Variants in NALF1 observed in about 807,000 individuals in gnomAD.
NALF1 encodes NALCN channel auxiliary factor 1, also known as family with sequence similarity 155 member A.
In NALF1, 3 loss-of-function variants were observed where a neutral mutation model predicts 48.4. The observed-to-expected ratio is 0.06, with a 90% CI of 0.03 to 0.16. The LOEUF (loss-of-function observed/expected upper bound fraction) is 0.16. Ranked by LOEUF, NALF1 falls within the 10% of genes least tolerant of loss-of-function variation. NALF1 has a pLI of 1.00. For synonymous variants in NALF1, 262 were observed against 245.7 expected (o/e 1.07, Z -0.62); for missense variants, 526 against 571.5 (o/e 0.92, Z 0.81).
intron 1 of NALF1, among the ~76,000 whole-genome samples, chr13:107,860,712 GAAAT>G (rs899519756): frequency 1.2e-4 from 19 of 152,170 alleles, no homozygotes; most frequent in Non-Finnish European, 1.5e-5. Flanking sequence ...AAGAAATTGA[GAAAT>G]AAAATTAAAG....
intron 1 of NALF1, among the ~76,000 whole-genome samples, chr13:107,591,865 A>G (rs887684939): frequency 6.6e-6 from 1 of 151,988 alleles, no homozygotes; most frequent in Non-Finnish European, 1.5e-5. Flanking sequence ...TCTTATTTCT[A>G]ATAATACTGA....
chr13:107,842,171 TATAAAC>T (rs1489593281), intron 1 of NALF1, among the ~76,000 whole-genome samples: 1 of 152,026 alleles, frequency 6.6e-6, no homozygotes, highest in Non-Finnish European at 1.5e-5. Flanking sequence ...ATATCATTGA[TATAAAC>T]ATGGCCCAAA....
intron 1 of NALF1, among the ~76,000 whole-genome samples, chr13:107,739,212 G>A (rs563885232): frequency 7.9e-5 from 12 of 151,962 alleles, no homozygotes; most frequent in Non-Finnish European, 1.0e-4. Context: ...TAAGGTATGC[G>A]GGGCTTAAAA....
At chr13:107,508,719 G>A (rs1487067307) in intron 1 of NALF1, among the ~76,000 whole-genome samples, 10 of 152,110 alleles carry the variant, frequency 6.6e-5, no homozygotes, top group African/African-American at 2.2e-4. Flanking sequence ...GGCTGTGCAC[G>A]ATTACAGGCT....
At position 107,747,648 on chromosome 13, in the gene NALF1, C is replaced by T. The variant is rs910184010; in HGVS notation, c.915+118034G>A. Among the ~76,000 whole-genome samples, 3 of 152,170 alleles carry T rather than the reference C, an allele frequency of 2.0e-5. No individual in the cohort carries two copies. The East Asian group carries it at 5.8e-4, about 29-fold the overall frequency. The stretch of plus-strand genomic sequence containing the variant: ...TAGTCTATGTGTATTACATCTTTCA[C>T]TTTTGTTAGATATAGATAACTAAAT... On this transcript the variant is annotated intron_variant, in intron 1 of 2. Coordinates refer to ENST00000375915, the MANE Select transcript of NALF1 (RefSeq NM_001080396.3).
chr13:107,449,850 T>A (rs1441631042), intron 1 of NALF1, among the ~76,000 whole-genome samples: 3 of 152,140 alleles, frequency 2.0e-5, no homozygotes, highest in Non-Finnish European at 4.4e-5. Context: ...AAATTTACAG[T>A]TAAGGAAACA....
intron 1 of NALF1, among the ~76,000 whole-genome samples, chr13:107,425,402 A>G (rs935303870): frequency 1.3e-5 from 2 of 152,216 alleles, no homozygotes; most frequent in African/African-American, 4.8e-5. Flanking sequence ...GAAGGAAAGA[A>G]AAGCCCAACT....
At chr13:107,171,943 A>G (rs551930810) in intron 2 of NALF1, among the ~76,000 whole-genome samples, 1 of 152,346 alleles carries the variant, frequency 6.6e-6, no homozygotes, top group Non-Finnish European at 1.5e-5. Flanking sequence ...TAACATGAAA[A>G]TTTGGGCTGC....
At chr13:107,703,078 G>C (rs1428979337) in intron 1 of NALF1, among the ~76,000 whole-genome samples, 1 of 151,992 alleles carries the variant, frequency 6.6e-6, no homozygotes, top group Non-Finnish European at 1.5e-5. Flanking sequence ...AGGATTGCTG[G>C]GTCAAATGGT....
chr13:107,698,586 A>C (rs1881748018), intron 1 of NALF1, among the ~76,000 whole-genome samples: 1 of 152,068 alleles, frequency 6.6e-6, no homozygotes, highest in Non-Finnish European at 1.5e-5. Flanking sequence ...TATGCTCTTT[A>C]CTGATTACTT....
At chr13:107,249,275 T>C (rs1431483135) in intron 1 of NALF1, among the ~76,000 whole-genome samples, 1 of 152,122 alleles carries the variant, frequency 6.6e-6, no homozygotes. Context: ...ACTTAGATTA[T>C]TGTGATGATT....
rs1361061028 is a variant in NALF1 at position 107,564,492 on chromosome 13, T to C, written c.915+301190A>G. Among the ~76,000 whole-genome samples, 3 of 152,166 alleles carry C rather than the reference T, an allele frequency of 2.0e-5. No individual in the cohort carries two copies. In the South Asian group the frequency reaches 6.2e-4, roughly 32 times the overall value. On this transcript the variant is annotated intron_variant, in intron 1 of 2. Transcript: ENST00000375915. ...TGGGTGCACCTTTCCTAGTTCACCC[T>C]GGTTGTTCTTGCTCATCCCCAGTGT...
At chr13:107,503,326 A>T (rs1000448876) in intron 1 of NALF1, among the ~76,000 whole-genome samples, 3 of 152,218 alleles carry the variant, frequency 2.0e-5, no homozygotes, top group Non-Finnish European at 2.9e-5. Context: ...ATGATCTTTA[A>T]ATTCCAACAG....
chr13:107,256,189 T>C (rs982048054), intron 1 of NALF1, among the ~76,000 whole-genome samples: 7 of 152,212 alleles, frequency 4.6e-5, no homozygotes, highest in African/African-American at 1.7e-4. Flanking sequence ...GTAAATCACA[T>C]TGCTTCCTAA....
chr13:107,312,236 G>A (rs570206696), intron 1 of NALF1, among the ~76,000 whole-genome samples: 28 of 152,254 alleles, frequency 1.8e-4, no homozygotes, highest in Non-Finnish European at 2.4e-4. Flanking sequence ...GGAATACTAT[G>A]CAGCCATAAA....
chr13:107,781,955 G>C lies in NALF1; in HGVS notation c.915+83727C>G, dbSNP rs145072896. Among the ~76,000 whole-genome samples, 111 of 152,268 alleles carry C rather than the reference G, an allele frequency of 7.3e-4. 1 individual carries two copies. In the East Asian group the frequency reaches 0.02, roughly 27 times the overall value. On this transcript the variant is annotated intron_variant, in intron 1 of 2. Coordinates refer to ENST00000375915, the MANE Select transcript of NALF1 (RefSeq NM_001080396.3). The stretch of plus-strand genomic sequence containing the variant: ...GTTTTATGTTTTGCATTATTGCTTA[G>C]TTGGTGATAAAAATTGTAAGGAAAG...
At chr13:107,842,531 T>A (rs1009358742) in intron 1 of NALF1, among the ~76,000 whole-genome samples, 1 of 150,354 alleles carries the variant, frequency 6.7e-6, no homozygotes, top group African/African-American at 2.4e-5. Context: ...TCTTTAGAGT[T>A]TTTTTTTTAT....
intron 1 of NALF1, among the ~76,000 whole-genome samples, chr13:107,384,672 G>A (rs1273948579): frequency 1.3e-5 from 2 of 152,042 alleles, no homozygotes; most frequent in Admixed American, 1.3e-4. Context: ...ACCTTTGTGT[G>A]CCTTATATTG....
At chr13:107,766,641 T>C (rs1877425673) in intron 1 of NALF1, among the ~76,000 whole-genome samples, 1 of 152,218 alleles carries the variant, frequency 6.6e-6, no homozygotes, top group East Asian at 1.9e-4. Flanking sequence ...TGAGAGAATT[T>C]ATATCTGTGT....
Sources: allele counts gnomAD v4.1 joint callset (sites outside exome capture counted in the v4.1 genomes callset), GRCh38; gene constraint gnomAD v4.1.1; transcripts MANE v1.5; gene names NCBI Gene and HGNC (gene_info 2026-07-23, HGNC 2026-07-21).